Variants in DNAH17 observed in about 807,000 individuals in gnomAD.
The protein encoded by DNAH17 is axonemal beta dynein heavy chain 17.
DNAH17 carries 376 observed loss-of-function variants against 485.6 expected under a neutral mutation model. That is an observed-to-expected ratio of 0.77 (90% CI 0.71 to 0.84). The LOEUF (loss-of-function observed/expected upper bound fraction) is 0.84, where lower values mean the gene tolerates loss of function less well. Among genes scored for constraint, DNAH17 ranks in the 40% least tolerant of loss-of-function variants. DNAH17 has a pLI of 0.00. For missense variants in DNAH17, 6,370 were observed against 5,839.3 expected, an observed-to-expected ratio of 1.09 and a Z score of -2.96; for synonymous variants, 3,031 against 2,405.9, an observed-to-expected ratio of 1.26 and a Z score of -7.60.
intron 24 of DNAH17, 140 bp downstream of exon 24, chr17:78,526,511 C>T: frequency 1.5e-6 from 1 of 670,760 alleles, no homozygotes; most frequent in Non-Finnish European, 2.5e-6. Flanking sequence ...TGCATGCATA[C>T]ACATAAGAGC....
chr17:78,484,360 GCTCTCC>G (rs2089491021), intron 48 of DNAH17, among the ~76,000 whole-genome samples: 1 of 151,968 alleles, frequency 6.6e-6, no homozygotes, highest in South Asian at 2.1e-4. Context: ...CACCCAGAAT[GCTCTCC>G]CTCTAAGGTC....
intron 25 of DNAH17, among the ~76,000 whole-genome samples, chr17:78,515,378 G>GCA (rs2090753673): frequency 6.6e-6 from 1 of 152,116 alleles, no homozygotes; most frequent in African/African-American, 2.4e-5. Flanking sequence ...GTGTGGTGGT[G>GCA]CACACCTGTA....
Position 78,530,601 on chromosome 17 carries a change from C to T in DNAH17, c.3115-89G>A, listed in dbSNP as rs2091207212. 5.7e-6 allele frequency: 8 copies of T among 1,412,904 alleles called. No homozygotes were observed. The South Asian group carries it at 9.4e-5, about 17-fold the overall frequency. The allele number at this position is 1,412,904 out of a possible 1,614,324, so 87.5% of individuals were successfully genotyped here. On this transcript the variant is annotated intron_variant, in intron 20 of 80. Transcript: ENST00000389840. ...GGCCTCAGTCCAGGGCCTTCCTGCA[C>T]TGCACCTGCGCTGCTCACCTGCCGG...
Position 78,425,344 on chromosome 17 carries a change from A to AC in DNAH17, c.13141+1dup. The AC allele has an allele frequency of 6.2e-7, 1 of 1,612,950 alleles. No homozygotes were observed. The highest frequency in any genetic ancestry group is 8.5e-7 in the Non-Finnish European group (1 of 1,179,288). On this transcript the variant is annotated splice_donor_variant, in intron 80 of 80. Transcript: ENST00000389840. LOFTEE classifies it high-confidence loss of function. ...CTGCAGACAGACAAGAGCCCTCCTT[A>AC]CCTTCCATGAAGAGTCCGTACACGT...
In DNAH17 at chr17:78,532,494, C is replaced by G. The variant is rs1230949819; in HGVS notation, c.3102G>C (p.Gln1034His). 6.2e-7 allele frequency: 1 copy of G among 1,610,472 alleles called. No individual in the cohort carries two copies. The highest frequency in any genetic ancestry group is 8.5e-7 in the Non-Finnish European group (1 of 1,178,808). ...TIPKTPPTLA[Q>H]FQEQIDSYEK... Reference sequence around the variant, plus strand: ...GGTCTGCACGCACCTGCTCCTGGAACTGAGCCAGGGTGGGCGGTGTCTTGG... The same window carrying G: ...GGTCTGCACGCACCTGCTCCTGGAAGTGAGCCAGGGTGGGCGGTGTCTTGG... The change falls in exon 20 of 81, where the codon CAG becomes CAC. Residue 1034 changes from glutamine to histidine, a missense_variant. Gln to His is a conservative substitution (Grantham distance 24). Transcript: ENST00000389840.
rs986246160 is a variant in DNAH17, at chr17:78,424,358, AAGG to A, written c.13142-208_13142-206del. On this transcript the variant is annotated intron_variant, in intron 80 of 80. Coordinates refer to ENST00000389840, the MANE Select transcript of DNAH17 (RefSeq NM_173628.4). ...GTAACTACCCCGTCCCGCTGGGCTC[AAGG>A]AACAGCTCAGCTAAAGCCCTCGGGT... The A allele has an allele frequency of 6.7e-5, 38 of 568,768 alleles. No individual in the cohort carries two copies. In the African/African-American group the frequency reaches 6.7e-4, roughly 10 times the overall value. 35.2% of individuals were successfully genotyped at this position (568,768 alleles called of 1,614,324 possible).
intron 17 of DNAH17, 39 bp from the exon 18 acceptor site, chr17:78,539,919 G>T: frequency 6.6e-7 from 1 of 1,520,668 alleles, no homozygotes; most frequent in Non-Finnish European, 8.8e-7. Context: ...CACTTCACTG[G>T]CTGTGCTTGC....
rs536543161 is a variant in DNAH17 at position 78,567,069 on chromosome 17, T to G, written c.1382A>C (p.Tyr461Ser). Residue 461 changes from tyrosine to serine, a missense_variant, in exon 10 of 81, where the codon TAT (tyrosine) becomes TCT (serine). By Grantham distance (144) the Tyr-to-Ser change is moderately radical. Coordinates refer to ENST00000389840, the MANE Select transcript of DNAH17 (RefSeq NM_173628.4). Reference sequence around the variant, plus strand: ...CTTCACCAGCTCAAAGACCTCATCATAGATACGGGTCACCAGGCTCCCGAG... The same window carrying G: ...CTTCACCAGCTCAAAGACCTCATCAGAGATACGGGTCACCAGGCTCCCGAG... ...NLLGSLVTRI[Y>S]DEVFELVKVF... is the part of the protein sequence containing the mutation. The G allele has an allele frequency of 1.9e-6, 3 of 1,613,730 alleles. No homozygotes were observed. In the East Asian group the frequency reaches 6.7e-5, roughly 36 times the overall value.
intron 16 of DNAH17, among the ~76,000 whole-genome samples, chr17:78,545,416 C>T (rs534868482): frequency 6.6e-6 from 1 of 152,262 alleles, no homozygotes; most frequent in South Asian, 2.1e-4. Flanking sequence ...GGTTAGAAAT[C>T]TGAGATCAAG....
At chr17:78,484,761 A>G (rs1038922780) in intron 48 of DNAH17, 107 bp downstream of exon 48, 28 of 276,164 alleles carry the variant, frequency 1.0e-4, no homozygotes, top group Non-Finnish European at 1.4e-4. Context: ...GCCCCACACC[A>G]GTCCTGCCCT....
intron 25 of DNAH17, chr17:78,522,755 G>A: frequency 4.5e-6 from 1 of 220,214 alleles, no homozygotes; most frequent in South Asian, 8.4e-5. Context: ...AAACAATAAT[G>A]CCGAAAAAGT....
rs543942956 is a variant in DNAH17, at chr17:78,571,401, A to G, written c.733-23T>C. The G allele has an allele frequency of 6.2e-5, 98 of 1,588,916 alleles. No individual in the cohort carries two copies. In the South Asian group the frequency reaches 1.0e-3, roughly 16 times the overall value. ...TAGCTGAGAAGGGGAGTGAAGATCC[A>G]CCTTTCATTGACCTGGAAGACCCTA... On this transcript the variant is annotated intron_variant, in intron 4 of 80. Transcript: ENST00000389840.
In DNAH17 at chr17:78,574,878, G is replaced by T. The variant is rs1467524683; in HGVS notation, c.180C>A (p.Gly60=). Residue 60 remains glycine (G), a synonymous_variant, in exon 2 of 81, where the codon GGC becomes GGA. Coordinates refer to ENST00000389840, the MANE Select transcript of DNAH17 (RefSeq NM_173628.4). ...GGAAGCCCAGGCAGGGTATGATCAT[G>T]CCGGCTGCATTGAGCGTCAGCACCA... ...QVLVLTLNAA[G]MIIPCLGFPQ... is the part of the protein sequence containing the mutation. The T allele has an allele frequency of 1.2e-6, 2 of 1,613,912 alleles. No individual in the cohort carries two copies. The highest frequency in any genetic ancestry group is 1.7e-6 in the Non-Finnish European group (2 of 1,179,906).
Position 78,500,360 on chromosome 17 carries a change from C to A in DNAH17, c.5585G>T (p.Arg1862Ile). ...GKTETTKDLG[R>I]ALGTMVYVFN... is the part of the protein sequence containing the mutation. ...GACGTAGACCATGGTGCCCAGGGCT[C>A]TGCCCAGGTCCTTGGTCGTCTCAGT... The change falls in exon 36 of 81, where the codon AGA becomes ATA. Residue 1862 changes from arginine (R) to isoleucine (I), a missense_variant. Physicochemically the swap from Arg to Ile is moderately conservative, Grantham distance 97. Coordinates refer to ENST00000389840, the MANE Select transcript of DNAH17 (RefSeq NM_173628.4). 1 of 1,612,748 alleles carries A rather than the reference C, an allele frequency of 6.2e-7. No homozygotes were observed. The highest frequency in any genetic ancestry group is 2.2e-5 in the East Asian group (1 of 44,842).
intron 17 of DNAH17, 23 bp from the exon 18 acceptor site, chr17:78,539,903 G>C: frequency 1.3e-6 from 2 of 1,544,892 alleles, no homozygotes; most frequent in South Asian, 1.3e-5. Flanking sequence ...GCGCACAGTT[G>C]GGCCTCACTT....
At chr17:78,518,014 G>A (rs768495937) in intron 25 of DNAH17, among the ~76,000 whole-genome samples, 8 of 152,154 alleles carry the variant, frequency 5.3e-5, no homozygotes, top group African/African-American at 1.9e-4. Context: ...TATATAAAGC[G>A]CTATGTTCAG....
intron 38 of DNAH17, among the ~76,000 whole-genome samples, chr17:78,495,598 G>A (rs572022118): frequency 2.0e-5 from 3 of 151,988 alleles, no homozygotes; most frequent in Non-Finnish European, 4.4e-5. Flanking sequence ...CCACCACACC[G>A]AGCTAATTTT....
chr17:78,537,725 T>C (rs1421847185), intron 18 of DNAH17, among the ~76,000 whole-genome samples: 1 of 152,164 alleles, frequency 6.6e-6, no homozygotes, highest in Non-Finnish European at 1.5e-5. Flanking sequence ...CAGGATCAGG[T>C]AGAACTCAGA....
chr17:78,524,001 G>C (rs1188537441), intron 25 of DNAH17, among the ~76,000 whole-genome samples: 1 of 152,218 alleles, frequency 6.6e-6, no homozygotes, highest in African/African-American at 2.4e-5. Context: ...CTTTCTCATA[G>C]ATTGAGCCTC....
Sources: gnomAD v4.1 joint callset for allele counts (sites outside exome capture counted in the v4.1 genomes callset) on GRCh38, gnomAD v4.1.1 for gene constraint, MANE v1.5 for transcripts, NCBI Gene and HGNC (gene_info 2026-07-23, HGNC 2026-07-21) for gene names.